Variants in NYAP2 observed in about 807,000 individuals in gnomAD.
NYAP2 encodes the protein neuronal tyrosine-phosphorylated phosphoinositide-3-kinase adaptor 2.
Under a neutral mutation model 50.4 loss-of-function variants are expected in NYAP2, and 23 were observed. The ratio of observed to expected loss-of-function variants is 0.46; its 90% CI spans 0.33 to 0.65. The LOEUF is 0.65. Ranked by LOEUF, NYAP2 falls within the 30% of genes least tolerant of loss-of-function variation. The probability of loss-of-function intolerance (pLI) is 0.02; values close to 1 mark genes in which losing one functional copy is unlikely to be tolerated. For missense variants in NYAP2, 885 were observed against 861.0 expected (o/e 1.03, Z -0.35); for synonymous variants, 394 against 365.2 (o/e 1.08, Z -0.90).
the NYAP2 span, among the ~76,000 whole-genome samples, chr2:225,686,989 A>C: frequency 6.6e-6 from 1 of 152,166 alleles, no homozygotes; most frequent in Admixed American, 6.6e-5. Context: ...GTCATGGGCT[A>C]TATGAAGGGA....
chr2:225,440,957 G>A (rs546538846), intron 3 of NYAP2, among the ~76,000 whole-genome samples: 1 of 152,268 alleles, frequency 6.6e-6, no homozygotes, highest in Admixed American at 6.5e-5. Flanking sequence ...AATGGAGGCT[G>A]GTGTCAAGGA....
intron 3 of NYAP2, among the ~76,000 whole-genome samples, chr2:225,493,225 G>A (rs941755238): frequency 6.6e-6 from 1 of 152,122 alleles, no homozygotes; most frequent in Non-Finnish European, 1.5e-5. Flanking sequence ...AAGCTTAAGA[G>A]ATCTGCCTAC....
At chr2:225,611,938 A>G (rs1019476106) in intron 5 of NYAP2, among the ~76,000 whole-genome samples, 3 of 126,170 alleles carry the variant, frequency 2.4e-5, no homozygotes, top group African/African-American at 8.8e-5. Flanking sequence ...ACACACACAC[A>G]CTTTTCCTCA....
At chr2:225,521,237 C>T (rs974351448) in intron 4 of NYAP2, among the ~76,000 whole-genome samples, 15 of 151,860 alleles carry the variant, frequency 9.9e-5, no homozygotes, top group South Asian at 4.1e-4. Context: ...AATTTGACTT[C>T]CTCTTTTCCT....
chr2:225,440,062 C>T (rs146558517), intron 3 of NYAP2, among the ~76,000 whole-genome samples: 7 of 152,170 alleles, frequency 4.6e-5, no homozygotes, highest in Non-Finnish European at 7.4e-5. Context: ...GGGAACCACA[C>T]CCATGATTCA....
At chr2:225,650,168 G>T (rs1011659254) in intron 6 of NYAP2, among the ~76,000 whole-genome samples, 6 of 152,168 alleles carry the variant, frequency 3.9e-5, no homozygotes, top group Non-Finnish European at 5.9e-5. Context: ...TCTGAGAGGG[G>T]TTGGGAGTGG....
At chr2:225,578,452 G>A (rs920664446) in intron 4 of NYAP2, among the ~76,000 whole-genome samples, 6 of 152,176 alleles carry the variant, frequency 3.9e-5, no homozygotes, top group African/African-American at 1.4e-4. Context: ...GATGCAGGGA[G>A]TAAGTGTATC....
At chr2:225,514,626 C>G (rs574023438) in intron 4 of NYAP2, among the ~76,000 whole-genome samples, 1 of 152,134 alleles carries the variant, frequency 6.6e-6, no homozygotes, top group Non-Finnish European at 1.5e-5. Flanking sequence ...CCCTTTCTAC[C>G]TCCACATACA....
At chr2:225,673,893 C>A in the NYAP2 span, among the ~76,000 whole-genome samples, 1 of 152,066 alleles carries the variant, frequency 6.6e-6, no homozygotes, top group South Asian at 2.1e-4. Flanking sequence ...TACTCACTAC[C>A]AACAGTCCTC....
At chr2:225,557,006 G>C (rs946385078) in intron 4 of NYAP2, among the ~76,000 whole-genome samples, 2 of 152,142 alleles carry the variant, frequency 1.3e-5, no homozygotes, top group African/African-American at 4.8e-5. Flanking sequence ...AACAGCACTT[G>C]GGCCACACTT....
intron 3 of NYAP2, among the ~76,000 whole-genome samples, chr2:225,504,698 C>T (rs559024084): frequency 1.2e-4 from 19 of 152,116 alleles, no homozygotes; most frequent in Non-Finnish European, 2.5e-4. Context: ...GGAGAAAGAA[C>T]ATATTTGATA....
At chr2:225,415,080 T>TGATTAGGCTG (rs1695102089) in intron 3 of NYAP2, among the ~76,000 whole-genome samples, 1 of 152,124 alleles carries the variant, frequency 6.6e-6, no homozygotes, top group Non-Finnish European at 1.5e-5. Context: ...CACAAAGGAC[T>TGATTAGGCTG]ACTTAGGCTG....
intron 6 of NYAP2, among the ~76,000 whole-genome samples, chr2:225,635,555 G>A (rs1482381748): frequency 6.6e-6 from 1 of 152,144 alleles, no homozygotes; most frequent in Non-Finnish European, 1.5e-5. Context: ...AAGACTAGAT[G>A]TTTTCTTTTG....
chr2:225,414,389 T>C (rs1284700727), intron 3 of NYAP2, among the ~76,000 whole-genome samples: 1 of 152,220 alleles, frequency 6.6e-6, no homozygotes, highest in Non-Finnish European at 1.5e-5. Context: ...TAAATCCTAA[T>C]GGTTTTGTGC....
At chr2:225,521,220 CAG>C (rs1203997079) in intron 4 of NYAP2, among the ~76,000 whole-genome samples, 2 of 151,816 alleles carry the variant, frequency 1.3e-5, no homozygotes, top group African/African-American at 4.8e-5. Context: ...CATCTGCAAA[CAG>C]GGACAATTTG....
intron 5 of NYAP2, among the ~76,000 whole-genome samples, chr2:225,616,573 G>A (rs1406042856): frequency 6.6e-6 from 1 of 152,144 alleles, no homozygotes; most frequent in African/African-American, 2.4e-5. Flanking sequence ...TTCTAGATTC[G>A]TATCAGGAGT....
intron 5 of NYAP2, among the ~76,000 whole-genome samples, chr2:225,623,991 A>G (rs779996632): frequency 6.6e-5 from 10 of 152,250 alleles, no homozygotes; most frequent in Non-Finnish European, 1.0e-4. Flanking sequence ...ATTCCATCAT[A>G]GCCAATGGAA....
At chr2:225,542,078 T>C (rs541351751) in intron 4 of NYAP2, among the ~76,000 whole-genome samples, 37 of 152,260 alleles carry the variant, frequency 2.4e-4, no homozygotes, top group African/African-American at 8.7e-4. Flanking sequence ...TCAGATTGTT[T>C]GCTATTGGCA....
intron 3 of NYAP2, among the ~76,000 whole-genome samples, chr2:225,424,513 T>A (rs1387266350): frequency 6.6e-6 from 1 of 152,000 alleles, no homozygotes; most frequent in Non-Finnish European, 1.5e-5. Flanking sequence ...AGAGTTATGA[T>A]CTAGTATTAT....
Sources: gnomAD v4.1 joint callset for allele counts (sites outside exome capture counted in the v4.1 genomes callset) on GRCh38, gnomAD v4.1.1 for gene constraint, MANE v1.5 for transcripts, NCBI Gene and HGNC (gene_info 2026-07-23, HGNC 2026-07-21) for gene names.